The following DDX60L variants were observed in gnomAD, a reference collection of about 807,000 sequenced individuals.
DDX60L encodes the protein DExD/H-box 60 like.
Under a neutral mutation model 211.6 loss-of-function variants are expected in DDX60L, and 191 were observed. The observed-to-expected ratio is 0.90, with a 90% CI of 0.80 to 1.02. DDX60L has a LOEUF of 1.02. DDX60L is among the 50% of genes least tolerant of loss of function. The probability of loss-of-function intolerance (pLI) is 0.00; values close to 1 mark genes in which losing one functional copy is unlikely to be tolerated. For synonymous variants in DDX60L, 706 were observed against 694.1 expected, an observed-to-expected ratio of 1.02 and a Z score of -0.27; for missense variants, 2,007 against 1,984.1, an observed-to-expected ratio of 1.01 and a Z score of -0.22.
At chr4:168,422,399 G>A (rs546725832) in intron 16 of DDX60L, 125 bp downstream of exon 16, 3 of 870,840 alleles carry the variant, frequency 3.4e-6, no homozygotes, top group South Asian at 2.2e-5. Context: ...CATTCTCCAG[G>A]CACAGTAGAG....
At chr4:168,434,487 C>T (rs558908114) in intron 10 of DDX60L, among the ~76,000 whole-genome samples, 2 of 152,294 alleles carry the variant, frequency 1.3e-5, no homozygotes, top group East Asian at 3.9e-4. Context: ...TCCATAGTTA[C>T]GCTATTGTGT....
At chr4:168,408,586 AG>A (rs573966521) in intron 22 of DDX60L, among the ~76,000 whole-genome samples, 69 of 152,246 alleles carry the variant, frequency 4.5e-4, no homozygotes, top group African/African-American at 1.5e-3. Context: ...CATAAACAAA[AG>A]CATATCATAC....
chr4:168,420,133 T>C (rs1292039782), intron 18 of DDX60L, 128 bp downstream of exon 18: 1 of 847,964 alleles, frequency 1.2e-6, no homozygotes, highest in Non-Finnish European at 1.7e-6. Flanking sequence ...TTAGAGCAAT[T>C]TCATTTTCTT....
intron 10 of DDX60L, 120 bp from the exon 11 acceptor site, chr4:168,433,235 C>T: frequency 1.5e-6 from 1 of 645,532 alleles, no homozygotes; most frequent in Admixed American, 3.0e-5. Context: ...TAATGTTTAC[C>T]AAGTTAGAGC....
At chr4:168,415,913 T>C in intron 20 of DDX60L, 114 bp from the exon 21 acceptor site, 2 of 994,244 alleles carry the variant, frequency 2.0e-6, no homozygotes, top group Non-Finnish European at 2.8e-6. Context: ...GCATGCCCTC[T>C]CAATTTAAAC....
At position 168,461,772 on chromosome 4, in the gene DDX60L, T is replaced by G. The variant is rs773286933; in HGVS notation, c.533A>C (p.His178Pro). 1 of 1,603,944 alleles carries G rather than the reference T, an allele frequency of 6.2e-7. No homozygotes were observed. Reference protein sequence around the residue: ...MKVNVVLSSGHESDTLRFYAY... With the variant: ...MKVNVVLSSGPESDTLRFYAY... ...ATAAAATCTGAGAGTATCAGATTCA[T>G]GCCCTGATGAAAGCACAACATTGAC... Residue 178 changes from histidine to proline, a missense_variant, in exon 5 of 38, where the codon CAT (histidine) becomes CCT (proline). Transcript: ENST00000682922.
chr4:168,473,401 T>A (rs1242781795), intron 1 of DDX60L, among the ~76,000 whole-genome samples: 1 of 152,146 alleles, frequency 6.6e-6, no homozygotes, highest in Non-Finnish European at 1.5e-5. Flanking sequence ...AATAGTCCTG[T>A]AGAAAGATGA....
intron 29 of DDX60L, among the ~76,000 whole-genome samples, chr4:168,390,711 G>T (rs189406611): frequency 6.6e-6 from 1 of 151,644 alleles, no homozygotes; most frequent in South Asian, 2.1e-4. Flanking sequence ...ATCACATATA[G>T]GATGTCATAT....
At chr4:168,443,420 T>A (rs1754255180) in intron 9 of DDX60L, among the ~76,000 whole-genome samples, 1 of 151,780 alleles carries the variant, frequency 6.6e-6, no homozygotes. Flanking sequence ...CTGAAAGTGA[T>A]GGGGAGAATG....
At chr4:168,363,469 A>T (rs1259790335) in intron 36 of DDX60L, among the ~76,000 whole-genome samples, 2 of 152,226 alleles carry the variant, frequency 1.3e-5, no homozygotes, top group African/African-American at 4.8e-5. Flanking sequence ...CGAAAGCTTT[A>T]AGTCAAAATG....
In DDX60L at chr4:168,472,519, T is replaced by C; in HGVS notation, c.10A>G (p.Lys4Glu). The C allele has an allele frequency of 6.3e-7, 1 of 1,580,204 alleles. No individual in the cohort carries two copies. The change falls in exon 3 of 38, where the codon AAG (lysine) becomes GAG (glutamate). Residue 4 changes from lysine to glutamate, a missense_variant. Physicochemically the swap from Lys to Glu is moderately conservative, Grantham distance 56. Coordinates refer to ENST00000682922, the MANE Select transcript of DDX60L (RefSeq NM_001012967.3). MGSKDHAVFFREMT... is the reference protein window; with the variant it reads MGSEDHAVFFREMT... Reference sequence around the variant, plus strand: ...TCCCTGAAAAATACTGCATGATCCTTTGACCCTAAAAATAAGGAGATTTTT... The same window carrying C: ...TCCCTGAAAAATACTGCATGATCCTCTGACCCTAAAAATAAGGAGATTTTT...
At chr4:168,398,113 A>C (rs1371684873) in intron 26 of DDX60L, among the ~76,000 whole-genome samples, 1 of 151,322 alleles carries the variant, frequency 6.6e-6, no homozygotes, top group Non-Finnish European at 1.5e-5. Context: ...GCATCTCCAC[A>C]CTCTCGGGGG....
intron 1 of DDX60L, among the ~76,000 whole-genome samples, chr4:168,478,145 C>T (rs1293665986): frequency 1.3e-5 from 2 of 150,618 alleles, no homozygotes; most frequent in Non-Finnish European, 3.0e-5. Context: ...AAATTTGGGT[C>T]GCACAGGTGA....
Position 168,448,667 on chromosome 4 carries a change from G to T in DDX60L, c.1109C>A (p.Ala370Asp). Residue 370 changes from alanine (A) to aspartate (D), a missense_variant, in exon 9 of 38, where the codon GCC becomes GAC. By Grantham distance (126) the Ala-to-Asp change is moderately radical. Transcript: ENST00000682922. ...AGTACTTTCAAATTCATAGTAGAAGGCTATATTCTTTAACAATTGCTCATC... is the reference window on the plus strand; with the variant it reads ...AGTACTTTCAAATTCATAGTAGAAGTCTATATTCTTTAACAATTGCTCATC... Reference protein sequence around the residue: ...LYDEQLLKNIAFYYEFESTQE... With the variant: ...LYDEQLLKNIDFYYEFESTQE... The T allele has an allele frequency of 6.3e-7, 1 of 1,577,286 alleles. No homozygotes were observed. The highest frequency in any genetic ancestry group is 1.7e-5 in the Admixed American group (1 of 57,448).
chr4:168,358,760 C>T (rs1738595692), intron 37 of DDX60L, among the ~76,000 whole-genome samples: 1 of 151,924 alleles, frequency 6.6e-6, no homozygotes, highest in Non-Finnish European at 1.5e-5. Context: ...CCTCGTGATC[C>T]ACCCGCCTCG....
intron 12 of DDX60L, among the ~76,000 whole-genome samples, chr4:168,431,572 G>A (rs1388032446): frequency 1.7e-5 from 2 of 120,998 alleles, no homozygotes; most frequent in Non-Finnish European, 3.3e-5. Flanking sequence ...GGTGGGGGGA[G>A]GGATAGCATT....
chr4:168,420,102 T>G (rs1453717437), intron 18 of DDX60L, among the ~76,000 whole-genome samples, 159 bp downstream of exon 18: 1 of 152,174 alleles, frequency 6.6e-6, no homozygotes, highest in Non-Finnish European at 1.5e-5. Context: ...CTTTTTAGAG[T>G]AGAACAACCT....
chr4:168,410,654 G>C (rs1403314960), intron 22 of DDX60L, among the ~76,000 whole-genome samples: 1 of 152,166 alleles, frequency 6.6e-6, no homozygotes, highest in South Asian at 2.1e-4. Flanking sequence ...TAATAACAGA[G>C]ATAGGATGGA....
rs143694544 is a variant in DDX60L, at chr4:168,409,291, A to G, written c.2980-2585T>C. ...GGTTCTGTTGCTTTCCAATTACTCC[A>G]TTAATAGCTACTGAGAATAGACGAA... On this transcript the variant is annotated intron_variant, in intron 22 of 37. Coordinates refer to ENST00000682922, the MANE Select transcript of DDX60L (RefSeq NM_001012967.3). 4.2e-3 allele frequency among the ~76,000 whole-genome samples: 639 copies of G among 152,298 alleles called. 4 individuals carry two copies. The highest frequency in any genetic ancestry group is 0.012 in the African/African-American group (484 of 41,572).
Sources: allele counts gnomAD v4.1 joint callset (sites outside exome capture counted in the v4.1 genomes callset), GRCh38; gene constraint gnomAD v4.1.1; transcripts MANE v1.5; gene names NCBI Gene and HGNC (gene_info 2026-07-23, HGNC 2026-07-21).